CAMK1D: variants seen among roughly 807,000 people sequenced by gnomAD.
CAMK1D encodes calcium/calmodulin-dependent protein kinase type 1D.
Under a neutral mutation model 47.7 loss-of-function variants are expected in CAMK1D, and 9 were observed. That is an observed-to-expected ratio of 0.19 (90% CI 0.11 to 0.33). The LOEUF (loss-of-function observed/expected upper bound fraction) is 0.33, where lower values mean the gene tolerates loss of function less well. Ranked by LOEUF, CAMK1D falls within the 10% of genes least tolerant of loss-of-function variation. The pLI is 1.00. For missense variants in CAMK1D, 291 were observed against 488.7 expected (o/e 0.60, Z 3.81); for synonymous variants, 184 against 184.9 (o/e 0.99, Z 0.04).
At chr10:12,558,993 C>T (rs78537257) in intron 2 of CAMK1D, among the ~76,000 whole-genome samples, 1 of 152,052 alleles carries the variant, frequency 6.6e-6, no homozygotes, top group Non-Finnish European at 1.5e-5. Flanking sequence ...CTTAAAATCA[C>T]CTAGGAAGCT....
At chr10:12,581,673 C>T (rs1440528958) in intron 2 of CAMK1D, among the ~76,000 whole-genome samples, 1 of 152,070 alleles carries the variant, frequency 6.6e-6, no homozygotes, top group Non-Finnish European at 1.5e-5. Flanking sequence ...TGTTTGTTGG[C>T]CATTTGTATA....
Position 12,637,450 on chromosome 10 carries a change from G to A in CAMK1D, c.225-29286G>A, listed in dbSNP as rs765160946. ...CCTGCCTGTTGAAGACAGCCTCTGC[G>A]TCTTTCTTTAATGCAAACGCATGGA... On this transcript the variant is annotated intron_variant, in intron 2 of 10. Coordinates refer to ENST00000619168, the MANE Select transcript of CAMK1D (RefSeq NM_153498.4). 2.6e-5 allele frequency among the ~76,000 whole-genome samples: 4 copies of A among 152,266 alleles called. No homozygotes were observed. In the East Asian group the frequency reaches 5.8e-4, roughly 22 times the overall value.
At chr10:12,512,942 T>C (rs1307225954) in intron 1 of CAMK1D, among the ~76,000 whole-genome samples, 3 of 152,136 alleles carry the variant, frequency 2.0e-5, no homozygotes, top group Non-Finnish European at 2.9e-5. Context: ...GCCTCAGTTG[T>C]TTTCTTTTTC....
At position 12,745,296 on chromosome 10, in the gene CAMK1D, C is replaced by CT. The variant is rs1192396186; in HGVS notation, c.300-15651dup. Among the ~76,000 whole-genome samples, 6 of 152,318 alleles carry CT rather than the reference C, an allele frequency of 3.9e-5. No homozygotes were observed. In the East Asian group the frequency reaches 1.2e-3, roughly 29 times the overall value. On this transcript the variant is annotated intron_variant, in intron 3 of 10. Coordinates refer to ENST00000619168, the MANE Select transcript of CAMK1D (RefSeq NM_153498.4). Reference sequence around the variant, plus strand: ...CCGCCCGCCTCAGCCTCTCAAAGTGCTGGGATTACAGGTGTGAGCCACCGT... The same window carrying CT: ...CCGCCCGCCTCAGCCTCTCAAAGTGCTTGGGATTACAGGTGTGAGCCACCGT...
intron 3 of CAMK1D, among the ~76,000 whole-genome samples, chr10:12,668,793 TA>T (rs1840514823): frequency 1.3e-5 from 2 of 151,932 alleles, no homozygotes; most frequent in South Asian, 4.2e-4. Context: ...CATAAAAACA[TA>T]AAAATGTCTG....
chr10:12,569,824 G>A (rs1355530527), intron 2 of CAMK1D, among the ~76,000 whole-genome samples: 1 of 151,962 alleles, frequency 6.6e-6, no homozygotes, highest in Admixed American at 6.6e-5. Context: ...TCCAATGGCA[G>A]TAGTGACCTT....
intron 3 of CAMK1D, among the ~76,000 whole-genome samples, chr10:12,701,261 A>G (rs148672986): frequency 3.4e-4 from 52 of 152,232 alleles, no homozygotes; most frequent in African/African-American, 1.2e-3. Context: ...CTCATACATT[A>G]TTCTTTAGTG....
intron 1 of CAMK1D, among the ~76,000 whole-genome samples, chr10:12,407,581 T>G (rs1588452195): frequency 6.6e-6 from 1 of 152,178 alleles, no homozygotes; most frequent in East Asian, 1.9e-4. Context: ...TCTGAGACCC[T>G]GAGGGCAGGG....
chr10:12,653,996 C>G (rs541986606), intron 2 of CAMK1D, among the ~76,000 whole-genome samples: 1 of 152,280 alleles, frequency 6.6e-6, no homozygotes, highest in African/African-American at 2.4e-5. Flanking sequence ...AGAGAAAGCA[C>G]AGGACATTAG....
intron 1 of CAMK1D, among the ~76,000 whole-genome samples, chr10:12,496,774 A>G (rs1834551429): frequency 6.6e-6 from 1 of 152,178 alleles, no homozygotes; most frequent in South Asian, 2.1e-4. Context: ...CAGGATGTGC[A>G]GGTTTGTTAC....
At chr10:12,642,058 A>AAAG (rs1839681991) in intron 2 of CAMK1D, among the ~76,000 whole-genome samples, 1 of 151,960 alleles carries the variant, frequency 6.6e-6, no homozygotes, top group South Asian at 2.1e-4. Context: ...TAAAAAAAAA[A>AAAG]AAAAGAAAGA....
chr10:12,575,099 T>G (rs1837452394), intron 2 of CAMK1D, among the ~76,000 whole-genome samples: 1 of 152,090 alleles, frequency 6.6e-6, no homozygotes, highest in African/African-American at 2.4e-5. Context: ...TTTCTTTTTC[T>G]TTTTATTTTT....
At chr10:12,728,707 C>T (rs1377165567) in intron 3 of CAMK1D, among the ~76,000 whole-genome samples, 1 of 152,186 alleles carries the variant, frequency 6.6e-6, no homozygotes, top group Non-Finnish European at 1.5e-5. Context: ...CAATTCCACT[C>T]ACCACCCTCA....
At chr10:12,737,013 C>T (rs1044138559) in intron 3 of CAMK1D, among the ~76,000 whole-genome samples, 1 of 152,208 alleles carries the variant, frequency 6.6e-6, no homozygotes, top group African/African-American at 2.4e-5. Context: ...GAACAGCGAG[C>T]ATCCGTTGAC....
At position 12,637,944 on chromosome 10, in the gene CAMK1D, AG is replaced by A. The variant is rs1839556514; in HGVS notation, c.225-28791del. On this transcript the variant is annotated intron_variant, in intron 2 of 10. Transcript: ENST00000619168. ...GCAGGCCACCGATGTCCAGCCTTGT[AG>A]CCTCATCCTATCCACAGCCCGGCCC... 2.6e-5 allele frequency among the ~76,000 whole-genome samples: 4 copies of A among 152,266 alleles called. No individual in the cohort carries two copies. In the South Asian group the frequency reaches 8.3e-4, roughly 32 times the overall value.
chr10:12,774,262 T>C (rs1247021438), intron 5 of CAMK1D, among the ~76,000 whole-genome samples: 1 of 151,070 alleles, frequency 6.6e-6, no homozygotes, highest in Non-Finnish European at 1.5e-5. Flanking sequence ...AGTTTGTGTG[T>C]TCAGAGGGTG....
At chr10:12,598,122 C>G (rs896680188) in intron 2 of CAMK1D, among the ~76,000 whole-genome samples, 1 of 152,240 alleles carries the variant, frequency 6.6e-6, no homozygotes, top group Non-Finnish European at 1.5e-5. Flanking sequence ...TCACTTTTAG[C>G]TTCAGAAAGA....
chr10:12,612,894 T>C (rs1227484253), intron 2 of CAMK1D, among the ~76,000 whole-genome samples: 3 of 152,188 alleles, frequency 2.0e-5, no homozygotes, highest in Non-Finnish European at 4.4e-5. Flanking sequence ...CACGTGGTCT[T>C]GTAAAGCAAA....
chr10:12,550,361 C>T (rs886974201), intron 1 of CAMK1D, among the ~76,000 whole-genome samples: 8 of 152,224 alleles, frequency 5.3e-5, no homozygotes, highest in East Asian at 3.8e-4. Context: ...TAACATAGTT[C>T]TTGTTCTACC....
Sources: gnomAD v4.1 joint callset for allele counts (sites outside exome capture counted in the v4.1 genomes callset) on GRCh38, gnomAD v4.1.1 for gene constraint, MANE v1.5 for transcripts, NCBI Gene and HGNC (gene_info 2026-07-23, HGNC 2026-07-21) for gene names.